Variants in RMC1 observed in about 807,000 individuals in gnomAD.
RMC1 encodes the protein regulator of MON1-CCZ1 complex.
In RMC1, 44 loss-of-function variants were observed where a neutral mutation model predicts 95.5. The observed-to-expected ratio is 0.46, with a 90% CI of 0.36 to 0.59. The LOEUF (loss-of-function observed/expected upper bound fraction) is 0.59, where lower values mean the gene tolerates loss of function less well. Ranked by LOEUF, RMC1 falls within the 20% of genes least tolerant of loss-of-function variation. RMC1 has a pLI of 0.00. For missense variants in RMC1, 705 were observed against 819.6 expected (o/e 0.86, Z 1.71); for synonymous variants, 320 against 303.6 (o/e 1.05, Z -0.56).
intron 2 of RMC1, 79 bp from the exon 3 acceptor site, chr18:23,506,891 T>A: frequency 1.0e-6 from 1 of 989,750 alleles, no homozygotes; most frequent in Non-Finnish European, 1.6e-6. Context: ...GAATATAGAT[T>A]GTGTCTTTTG....
In RMC1 at chr18:23,516,142, G is replaced by A. The variant is rs1377226320; in HGVS notation, c.549+146G>A. The A allele has an allele frequency of 1.1e-5, 15 of 1,357,744 alleles. No individual in the cohort carries two copies. The South Asian group carries it at 1.3e-4, about 12-fold the overall frequency. The allele number at this position is 1,357,744 out of a possible 1,614,324, so 84.1% of individuals were successfully genotyped here. ...CCACTAGAGGGCACTCTGTATACCC[G>A]TCAGCTCCTGGAGCCATTCATTCTA... On this transcript the variant is annotated intron_variant, in intron 6 of 19. Transcript: ENST00000269221.
At position 23,526,783 on chromosome 18, in the gene RMC1, C is replaced by T. The variant is rs1442760779; in HGVS notation, c.1189+18C>T. On this transcript the variant is annotated intron_variant, in intron 13 of 19. Transcript: ENST00000269221. ...TTCACAGAGTAAGTTGAATCCTTCC[C>T]CCTTGCTCTGATTCCAGTGTGAGGC... 3.7e-6 allele frequency: 6 copies of T among 1,612,264 alleles called. No individual in the cohort carries two copies. Among genetic ancestry groups the T allele is most frequent in the Non-Finnish European group, 5.1e-6 (6 of 1,179,194 alleles).
At chr18:23,528,424 A>G (rs1288059978) in intron 14 of RMC1, 2 of 153,960 alleles carry the variant, frequency 1.3e-5, no homozygotes, top group African/African-American at 4.8e-5. Context: ...CTTGTACATC[A>G]TATCTTCTGA....
Position 23,503,593 on chromosome 18 carries a change from C to G in RMC1, c.-26C>G. 2.0e-6 allele frequency: 3 copies of G among 1,531,508 alleles called. No homozygotes were observed. The highest frequency in any genetic ancestry group is 2.6e-6 in the Non-Finnish European group (3 of 1,136,798). 94.9% of individuals were successfully genotyped at this position (1,531,508 alleles called of 1,614,324 possible). A position where few individuals can be genotyped will look rare whatever the true frequency, so the allele number is the denominator to read the frequency against. ...TCCACTCTGGCGACCGCCCCCGGGG[C>G]CCCCGCCGCGGGCGCGGCGCCCGCC... On this transcript the variant is annotated 5_prime_UTR_variant, in exon 1 of 20. Coordinates refer to ENST00000269221, the MANE Select transcript of RMC1 (RefSeq NM_013326.5).
At chr18:23,511,173 G>C (rs540864394) in intron 5 of RMC1, among the ~76,000 whole-genome samples, 11 of 152,224 alleles carry the variant, frequency 7.2e-5, no homozygotes, top group Admixed American at 1.3e-4. Flanking sequence ...CATGTCTTTT[G>C]TGGGAACATG....
chr18:23,531,662 G>A lies in RMC1; in HGVS notation c.1932G>A (p.Gln644=). ...AAGAACATGTTGCTTTTTTCAAACA[G>A]ATTTTTGGAGACCAAGCTCTAATGA... ...HCEEHVAFFK[Q]IFGDQALMRP... is the part of the protein sequence containing the mutation. Residue 644 remains glutamine (Q), a synonymous_variant, in exon 20 of 20, where the codon CAG becomes CAA. Coordinates refer to ENST00000269221, the MANE Select transcript of RMC1 (RefSeq NM_013326.5). 3 of 1,613,060 alleles carry A rather than the reference G, an allele frequency of 1.9e-6. No homozygotes were observed. The highest frequency in any genetic ancestry group is 2.5e-6 in the Non-Finnish European group (3 of 1,179,786).
chr18:23,523,577 A>T (rs375984434), intron 10 of RMC1, among the ~76,000 whole-genome samples: 2 of 150,716 alleles, frequency 1.3e-5, no homozygotes, highest in African/African-American at 4.9e-5. Flanking sequence ...AAAGAAAAAA[A>T]GTTAGGGCAT....
At chr18:23,525,087 C>T (rs1316634753) in intron 12 of RMC1, among the ~76,000 whole-genome samples, 2 of 151,276 alleles carry the variant, frequency 1.3e-5, no homozygotes, top group Non-Finnish European at 2.9e-5. Context: ...GCTGGGATTA[C>T]AGGCATGTGC....
chr18:23,504,518 T>G, intron 2 of RMC1, 71 bp downstream of exon 2: 1 of 1,423,476 alleles, frequency 7.0e-7, no homozygotes, highest in Non-Finnish European at 9.9e-7. Context: ...TCAAATGGTT[T>G]TTTATAATTT....
rs372218285 is a variant in RMC1 at position 23,529,170 on chromosome 18, T to C, written c.1297-9T>C. The C allele has an allele frequency of 6.2e-7, 1 of 1,606,896 alleles. No homozygotes were observed. Among genetic ancestry groups the C allele is most frequent in the Non-Finnish European group, 8.5e-7 (1 of 1,178,138 alleles). ...CCGAAGATCATAGTTTGTGGTTTTTTTCTTTCAGGCGGTGGAAGCAGGGCA... is the reference window on the plus strand; with the variant it reads ...CCGAAGATCATAGTTTGTGGTTTTTCTCTTTCAGGCGGTGGAAGCAGGGCA... On this transcript the variant is annotated splice_polypyrimidine_tract_variant and intron_variant, in intron 14 of 19. Transcript: ENST00000269221.
At chr18:23,521,710 T>G (rs2145221216) in intron 10 of RMC1, among the ~76,000 whole-genome samples, 1 of 151,248 alleles carries the variant, frequency 6.6e-6, no homozygotes, top group Non-Finnish European at 1.5e-5. Flanking sequence ...TTTTTTTTCC[T>G]TAAACAGAAC....
Position 23,531,773 on chromosome 18 carries a change from AACTAT to A in RMC1, c.*71_*75del, listed in dbSNP as rs1223026387. ...TTTATTGCATTAATAAAGCTCTTTA[AACTAT>A]AAAATGTTATAAAGTGTATCTACAA... On this transcript the variant is annotated 3_prime_UTR_variant, in exon 20 of 20. Coordinates refer to ENST00000269221, the MANE Select transcript of RMC1 (RefSeq NM_013326.5). 2.7e-5 allele frequency: 42 copies of A among 1,574,292 alleles called. No homozygotes were observed. The highest frequency in any genetic ancestry group is 3.9e-5 in the Admixed American group (2 of 50,860).
chr18:23,520,026 T>C (rs144890738), intron 9 of RMC1, among the ~76,000 whole-genome samples, 176 bp from the exon 10 acceptor site: 3 of 152,246 alleles, frequency 2.0e-5, no homozygotes, highest in African/African-American at 7.2e-5. Flanking sequence ...GATAAAAATA[T>C]TAAAAGAGAG....
intron 14 of RMC1, 82 bp downstream of exon 14, chr18:23,527,983 G>A: frequency 8.6e-7 from 1 of 1,167,044 alleles, no homozygotes; most frequent in Non-Finnish European, 1.2e-6. Flanking sequence ...ATGCAAAATT[G>A]TTTCCTATAT....
Position 23,530,276 on chromosome 18 carries a change from G to A in RMC1, c.1647G>A (p.Gln549=), listed in dbSNP as rs1222963933. 1 of 1,614,194 alleles carries A rather than the reference G, an allele frequency of 6.2e-7. No homozygotes were observed. Among genetic ancestry groups the A allele is most frequent in the South Asian group, 1.1e-5 (1 of 91,088 alleles). ...SLESFYPPAH[Q]LSLDMLKRLS... is the part of the protein sequence containing the mutation. Reference sequence around the variant, plus strand: ...AGAGTTTCTATCCTCCTGCTCATCAGCTATCTCTGGACATGCTGAAGGTAA... The same window carrying A: ...AGAGTTTCTATCCTCCTGCTCATCAACTATCTCTGGACATGCTGAAGGTAA... The change falls in exon 18 of 20, where the codon CAG becomes CAA. Residue 549 remains glutamine, a synonymous_variant. Transcript: ENST00000269221.
At chr18:23,512,564 G>A (rs955218985) in intron 5 of RMC1, among the ~76,000 whole-genome samples, 1 of 151,730 alleles carries the variant, frequency 6.6e-6, no homozygotes, top group Admixed American at 6.6e-5. Context: ...GGAACTACAG[G>A]TGTGTGCCAG....
At chr18:23,531,431 G>GTTAGA (rs2058501504) in intron 19 of RMC1, 194 bp from the exon 20 acceptor site, 6 of 1,193,650 alleles carry the variant, frequency 5.0e-6, no homozygotes, top group Non-Finnish European at 5.6e-6. Context: ...ATAAGGACAG[G>GTTAGA]TTAGATAGAA....
intron 19 of RMC1, 32 bp downstream of exon 19, chr18:23,530,644 C>T (rs1332737171): frequency 1.0e-5 from 16 of 1,597,790 alleles, no homozygotes; most frequent in Non-Finnish European, 1.4e-5. Flanking sequence ...TTGGGGTAAC[C>T]ATAGCCTCAA....
At chr18:23,531,002 AT>A (rs201056665) in intron 19 of RMC1, among the ~76,000 whole-genome samples, 5 of 148,844 alleles carry the variant, frequency 3.4e-5, no homozygotes, top group Admixed American at 1.3e-4. Context: ...GATCATTCTC[AT>A]TTTTTTTTTG....
Sources: allele counts gnomAD v4.1 joint callset (sites outside exome capture counted in the v4.1 genomes callset), GRCh38; gene constraint gnomAD v4.1.1; transcripts MANE v1.5; gene names NCBI Gene and HGNC (gene_info 2026-07-23, HGNC 2026-07-21).